The following METTL24 variants were observed in gnomAD, a reference collection of about 807,000 sequenced individuals.
The protein encoded by METTL24 is methyltransferase like 24, also known as probable methyltransferase-like protein 24.
A neutral mutation model predicts 32.7 loss-of-function variants in METTL24; 29 were observed. That is an observed-to-expected ratio of 0.89 (90% confidence interval 0.66 to 1.21). METTL24 has a LOEUF of 1.21. METTL24 is among the 50% of genes most tolerant of loss of function. The probability of loss-of-function intolerance (pLI) is 0.00; values close to 1 mark genes in which losing one functional copy is unlikely to be tolerated. For missense variants in METTL24, 439 were observed against 468.1 expected (o/e 0.94, Z 0.57); for synonymous variants, 163 against 179.5 (o/e 0.91, Z 0.73).
chr6:110,325,743 G>A lies in METTL24; in HGVS notation c.319-2871C>T, dbSNP rs147245784. ...AAAATGGAATTTACTGGGCAAAAAG[G>A]AAAAAAGAGAAACAGGGACTCTCAG... On this transcript the variant is annotated intron_variant, in intron 1 of 4. Coordinates refer to ENST00000338882, the MANE Select transcript of METTL24 (RefSeq NM_001123364.3). Among the ~76,000 whole-genome samples, 739 of 152,174 alleles carry A rather than the reference G, an allele frequency of 4.9e-3. 1 individual carries two copies. The highest frequency in any genetic ancestry group is 0.014 in the Middle Eastern group (4 of 294).
At chr6:110,250,769 CA>C (rs1778262705) in intron 4 of METTL24, among the ~76,000 whole-genome samples, 1 of 152,214 alleles carries the variant, frequency 6.6e-6, no homozygotes, top group South Asian at 2.1e-4. Context: ...CAAGGCAGGT[CA>C]ACAAGTTTCC....
chr6:110,298,563 G>A (rs1053448483), intron 4 of METTL24, among the ~76,000 whole-genome samples: 1 of 148,010 alleles, frequency 6.8e-6, no homozygotes, highest in Non-Finnish European at 1.5e-5. Flanking sequence ...TTTTTTTTTT[G>A]TATTTGAGGT....
chr6:110,294,128 T>A (rs932887439), intron 4 of METTL24, among the ~76,000 whole-genome samples: 2 of 152,036 alleles, frequency 1.3e-5, no homozygotes, highest in African/African-American at 2.4e-5. Context: ...TTGCATTTTT[T>A]ATTTTTTTTA....
intron 4 of METTL24, among the ~76,000 whole-genome samples, chr6:110,277,918 T>C (rs1771074472): frequency 1.3e-5 from 2 of 152,132 alleles, no homozygotes; most frequent in Non-Finnish European, 2.9e-5. Context: ...TAACGGAATG[T>C]GTAAGAAGCA....
chr6:110,244,977 T>TCTATCTATCTATCTAG lies in METTL24; in HGVS notation c.*968_*969insCTAGATAGATAGATAG, dbSNP rs1384502304. Among the ~76,000 whole-genome samples, 1 of 151,410 alleles carries TCTATCTATCTATCTAG rather than the reference T, an allele frequency of 6.6e-6. No homozygotes were observed. Among genetic ancestry groups the TCTATCTATCTATCTAG allele is most frequent in the African/African-American group, 2.4e-5 (1 of 41,008 alleles). On this transcript the variant is annotated 3_prime_UTR_variant, in exon 5 of 5. Transcript: ENST00000338882. ...CCAGTAGGAAAATCTATCTTATCTA[T>TCTATCTATCTATCTAG]CTATCTATCTATCTATCTATCTATC...
chr6:110,342,489 T>C (rs1772378857), intron 1 of METTL24, among the ~76,000 whole-genome samples: 1 of 152,240 alleles, frequency 6.6e-6, no homozygotes, highest in Admixed American at 6.5e-5. Flanking sequence ...GAACAGAGAA[T>C]ATCATGTACT....
At chr6:110,334,511 T>C (rs1304705403) in intron 1 of METTL24, among the ~76,000 whole-genome samples, 4 of 152,130 alleles carry the variant, frequency 2.6e-5, no homozygotes, top group Non-Finnish European at 5.9e-5. Flanking sequence ...TTGTAGACAC[T>C]GGATGGTGCT....
Position 110,299,092 on chromosome 6 carries a change from G to T in METTL24, c.616C>A (p.His206Asn). 6.2e-7 allele frequency: 1 copy of T among 1,614,166 alleles called. No individual in the cohort carries two copies. Among genetic ancestry groups the T allele is most frequent in the Non-Finnish European group, 8.5e-7 (1 of 1,180,026 alleles). Residue 206 changes from histidine to asparagine, a missense_variant, in exon 4 of 5, where the codon CAT becomes AAT. His to Asn is a moderately conservative substitution (Grantham distance 68). Transcript: ENST00000338882. Reference sequence around the variant, plus strand: ...GACTTGACACTAGGATCAAAACGATGCACTTCACATCCGTTGTTGGCCATG... The same window carrying T: ...GACTTGACACTAGGATCAAAACGATTCACTTCACATCCGTTGTTGGCCATG... ...VSMANNGCEVHRFDPSVKSAH... is the reference protein window; with the variant it reads ...VSMANNGCEVNRFDPSVKSAH...
chr6:110,280,533 T>A (rs1771119468), intron 4 of METTL24, among the ~76,000 whole-genome samples: 1 of 152,158 alleles, frequency 6.6e-6, no homozygotes, highest in African/African-American at 2.4e-5. Flanking sequence ...TGTAAAAATG[T>A]TCAAGATATT....
intron 1 of METTL24, among the ~76,000 whole-genome samples, chr6:110,336,218 T>C (rs796169554): frequency 1.3e-5 from 2 of 152,182 alleles, no homozygotes; most frequent in African/African-American, 2.4e-5. Context: ...CAGTGGTATA[T>C]GTAAGTAGGG....
At chr6:110,313,417 T>C (rs2114745402) in intron 3 of METTL24, among the ~76,000 whole-genome samples, 1 of 152,306 alleles carries the variant, frequency 6.6e-6, no homozygotes, top group East Asian at 1.9e-4. Context: ...TGTAATAATC[T>C]GAACTCTTAC....
intron 1 of METTL24, among the ~76,000 whole-genome samples, chr6:110,342,616 A>G (rs1772381439): frequency 6.6e-6 from 1 of 152,196 alleles, no homozygotes; most frequent in Non-Finnish European, 1.5e-5. Flanking sequence ...CTTTTAGTAT[A>G]TATACAGCTT....
At chr6:110,271,336 C>T (rs1770955165) in intron 4 of METTL24, among the ~76,000 whole-genome samples, 1 of 152,096 alleles carries the variant, frequency 6.6e-6, no homozygotes, top group African/African-American at 2.4e-5. Context: ...CGCTCTGTCG[C>T]CCAGGCTGGA....
chr6:110,311,169 C>T (rs373211853), intron 3 of METTL24, among the ~76,000 whole-genome samples: 6 of 152,272 alleles, frequency 3.9e-5, no homozygotes, highest in African/African-American at 1.4e-4. Flanking sequence ...TCTTCCCTCA[C>T]TATCAGTTGA....
intron 1 of METTL24, among the ~76,000 whole-genome samples, chr6:110,334,952 CT>C (rs1772184144): frequency 6.6e-6 from 1 of 152,152 alleles, no homozygotes; most frequent in Non-Finnish European, 1.5e-5. Flanking sequence ...TCTGAATGCA[CT>C]ATAAGTTATA....
chr6:110,352,413 C>T (rs1287328976), intron 1 of METTL24, among the ~76,000 whole-genome samples: 1 of 152,136 alleles, frequency 6.6e-6, no homozygotes, highest in Non-Finnish European at 1.5e-5. Context: ...ATACTTAAAA[C>T]ACTGTGTGGT....
At chr6:110,295,629 G>A (rs17071401) in intron 4 of METTL24, among the ~76,000 whole-genome samples, 17,320 of 152,192 alleles carry the variant, frequency 0.11, 2,093 homozygotes, top group African/African-American at 0.31. Context: ...GCTGTTCAGC[G>A]CCTGGAGGCA....
chr6:110,248,671 C>G (rs1202166176), intron 4 of METTL24, among the ~76,000 whole-genome samples: 1 of 151,850 alleles, frequency 6.6e-6, no homozygotes, highest in Admixed American at 6.6e-5. Context: ...GGTGCAGTGG[C>G]TCATGCCTGT....
In METTL24 at chr6:110,293,846, C is replaced by T. The variant is rs140184892; in HGVS notation, c.786+5076G>A. 2.5e-3 allele frequency among the ~76,000 whole-genome samples: 373 copies of T among 151,612 alleles called. 3 individuals are homozygous for T. Among genetic ancestry groups the T allele is most frequent in the African/African-American group, 8.6e-3 (358 of 41,422 alleles). ...ATCTCTGTATCATTTCTTACAAGTG[C>T]ATGTGAATCTATCTCAAAATGTGCA... On this transcript the variant is annotated intron_variant, in intron 4 of 4. Coordinates refer to ENST00000338882, the MANE Select transcript of METTL24 (RefSeq NM_001123364.3).
Sources: gnomAD v4.1 joint callset for allele counts (sites outside exome capture counted in the v4.1 genomes callset) on GRCh38, gnomAD v4.1.1 for gene constraint, MANE v1.5 for transcripts, NCBI Gene and HGNC (gene_info 2026-07-23, HGNC 2026-07-21) for gene names.